The following GRAMD2B variants were observed in gnomAD, a reference collection of about 807,000 sequenced individuals.
GRAMD2B encodes GRAM domain-containing protein 2B.
Under a neutral mutation model 59.2 loss-of-function variants are expected in GRAMD2B, and 41 were observed. That is an observed-to-expected ratio of 0.69 (90% CI 0.54 to 0.90). GRAMD2B has a LOEUF of 0.90. Ranked by LOEUF, GRAMD2B falls within the 40% of genes least tolerant of loss-of-function variation. The pLI, the probability that GRAMD2B is intolerant of heterozygous loss-of-function variation, is 0.00. For synonymous variants in GRAMD2B, 161 were observed against 182.7 expected, an observed-to-expected ratio of 0.88 and a Z score of 0.96; for missense variants, 424 against 500.5, an observed-to-expected ratio of 0.85 and a Z score of 1.46.
chr5:126,417,665 C>T (rs1173402080), intron 1 of GRAMD2B, among the ~76,000 whole-genome samples: 2 of 152,190 alleles, frequency 1.3e-5, no homozygotes, highest in East Asian at 1.9e-4. Context: ...GTTAGTTGTA[C>T]ACCAACAGAT....
chr5:126,383,099 C>T (rs771135293), intron 1 of GRAMD2B, among the ~76,000 whole-genome samples: 2 of 152,084 alleles, frequency 1.3e-5, no homozygotes, highest in Non-Finnish European at 2.9e-5. Context: ...TGGAGGTAGC[C>T]GGGGAGTGAA....
At chr5:126,442,048 A>G (rs1391914601) in intron 1 of GRAMD2B, among the ~76,000 whole-genome samples, 1 of 151,892 alleles carries the variant, frequency 6.6e-6, no homozygotes, top group Non-Finnish European at 1.5e-5. Context: ...AAAGTCTCAC[A>G]ATGTCCTAAG....
rs576508201 is a variant in GRAMD2B, at chr5:126,456,445, C to T, written c.84-8981C>T. On this transcript the variant is annotated intron_variant, in intron 1 of 13. Coordinates refer to ENST00000285689, the MANE Select transcript of GRAMD2B (RefSeq NM_023927.4). ...TCCAGGCTGGTGTCAAACTGCGGCT[C>T]AAGTGATCCTCCCACCTCAGCCTCC... Among the ~76,000 whole-genome samples the T allele has an allele frequency of 6.7e-4, 102 of 152,212 alleles. 1 individual carries two copies. The highest frequency in any genetic ancestry group is 9.0e-4 in the Non-Finnish European group (61 of 68,008).
At chr5:126,474,028 GC>G (rs1344066750) in intron 5 of GRAMD2B, among the ~76,000 whole-genome samples, 1 of 152,200 alleles carries the variant, frequency 6.6e-6, no homozygotes, top group African/African-American at 2.4e-5. Flanking sequence ...AATTGGCACT[GC>G]CCTCTAAACT....
At chr5:126,484,644 C>T in intron 10 of GRAMD2B, 120 bp downstream of exon 10, 1 of 1,031,974 alleles carries the variant, frequency 9.7e-7, no homozygotes, top group Non-Finnish European at 1.4e-6. Flanking sequence ...AGTGCAATAA[C>T]ATGATCTTGG....
chr5:126,401,931 A>G lies in GRAMD2B; in HGVS notation c.125+30364A>G, dbSNP rs1398741361. Among the ~76,000 whole-genome samples the G allele has an allele frequency of 2.6e-5, 4 of 151,956 alleles. No homozygotes were observed. The East Asian group carries it at 7.7e-4, about 29-fold the overall frequency. ...TCATCCCAGGTCATATACCGGGGTC[A>G]CTCTAATCCCAGCAAGTGACACAGC... On this transcript the variant is annotated intron_variant, in intron 1 of 8. Coordinates refer to the GRAMD2B transcript ENST00000506445.
intron 1 of GRAMD2B, among the ~76,000 whole-genome samples, chr5:126,366,290 G>A (rs1282403871): frequency 8.5e-5 from 13 of 152,200 alleles, no homozygotes; most frequent in African/African-American, 2.9e-4. Flanking sequence ...ATTATCACCA[G>A]TGTCAACACT....
At chr5:126,481,085 C>T (rs1456371490) in intron 8 of GRAMD2B, among the ~76,000 whole-genome samples, 2 of 151,346 alleles carry the variant, frequency 1.3e-5, no homozygotes, top group Non-Finnish European at 2.9e-5. Flanking sequence ...GTGTTCAAGG[C>T]ACCATGCTAG....
chr5:126,450,629 T>C (rs558425037), intron 1 of GRAMD2B, among the ~76,000 whole-genome samples: 1 of 126,890 alleles, frequency 7.9e-6, no homozygotes, highest in African/African-American at 3.0e-5. Flanking sequence ...CTAAAACCAG[T>C]GACAGTCCAT....
At chr5:126,445,603 G>C (rs1764068418) in intron 1 of GRAMD2B, 1 of 142,490 alleles carries the variant, frequency 7.0e-6, no homozygotes, top group Non-Finnish European at 1.5e-5. Flanking sequence ...TTCTCTCACT[G>C]TCTCTTGGGT....
At chr5:126,394,026 G>C (rs983628650) in intron 1 of GRAMD2B, among the ~76,000 whole-genome samples, 4 of 152,138 alleles carry the variant, frequency 2.6e-5, no homozygotes, top group African/African-American at 9.7e-5. Context: ...TGTTAGCCCA[G>C]CACTTCGGGA....
At chr5:126,371,502 C>A in exon 1 of GRAMD2B, 1 of 1,289,250 alleles carries the variant, frequency 7.8e-7, no homozygotes, top group South Asian at 1.2e-5. Context: ...CTCCGGGCAG[C>A]CCAAGGAAGG....
intron 1 of GRAMD2B, among the ~76,000 whole-genome samples, chr5:126,416,746 C>T (rs1051832986): frequency 6.6e-6 from 1 of 152,172 alleles, no homozygotes; most frequent in Non-Finnish European, 1.5e-5. Context: ...GCTCTTCCCT[C>T]TGGCTGGCAA....
intron 1 of GRAMD2B, among the ~76,000 whole-genome samples, chr5:126,378,040 G>A: frequency 6.6e-6 from 1 of 151,398 alleles, no homozygotes; most frequent in Non-Finnish European, 1.5e-5. Context: ...TTCTTTTTTG[G>A]TGATATTTGT....
At chr5:126,476,142 G>C (rs957791692) in intron 5 of GRAMD2B, among the ~76,000 whole-genome samples, 1 of 150,480 alleles carries the variant, frequency 6.6e-6, no homozygotes, top group Admixed American at 6.6e-5. Context: ...GTGTGGTGGC[G>C]CATGCCTGTA....
intron 11 of GRAMD2B, 45 bp from the exon 12 acceptor site, chr5:126,486,828 C>A: frequency 8.4e-7 from 1 of 1,196,560 alleles, no homozygotes; most frequent in Non-Finnish European, 1.2e-6. Flanking sequence ...AACATCAGAT[C>A]CTGGCCGTTA....
chr5:126,392,911 G>A lies in GRAMD2B; in HGVS notation c.125+21344G>A, dbSNP rs545618693. 4.6e-5 allele frequency among the ~76,000 whole-genome samples: 7 copies of A among 152,268 alleles called. No individual in the cohort carries two copies. In the South Asian group the frequency reaches 1.5e-3, roughly 32 times the overall value. ...GACAGGAAGCAGGTTGAGGACCCCTGAATTAGAATCTATTTGAAAAATAAA... is the reference window on the plus strand; with the variant it reads ...GACAGGAAGCAGGTTGAGGACCCCTAAATTAGAATCTATTTGAAAAATAAA... On this transcript the variant is annotated intron_variant, in intron 1 of 8. Coordinates refer to the GRAMD2B transcript ENST00000506445.
intron 6 of GRAMD2B, among the ~76,000 whole-genome samples, chr5:126,478,481 CTGTAA>C (rs1771078084): frequency 6.6e-6 from 1 of 151,626 alleles, no homozygotes; most frequent in Non-Finnish European, 1.5e-5. Flanking sequence ...GGGCTCACAC[CTGTAA>C]TCCCAGCACT....
At chr5:126,478,380 G>A (rs1771055354) in intron 6 of GRAMD2B, among the ~76,000 whole-genome samples, 1 of 152,140 alleles carries the variant, frequency 6.6e-6, no homozygotes, top group African/African-American at 2.4e-5. Context: ...AAAGGCTGCA[G>A]TGAGCCATGA....
Sources: gnomAD v4.1 joint callset for allele counts (sites outside exome capture counted in the v4.1 genomes callset) on GRCh38, gnomAD v4.1.1 for gene constraint, MANE v1.5 for transcripts, NCBI Gene and HGNC (gene_info 2026-07-23, HGNC 2026-07-21) for gene names.